Variants in CAPN3 observed in about 807,000 individuals in gnomAD.
The protein encoded by CAPN3 is calpain-3.
In CAPN3, 88 loss-of-function variants were observed where a neutral mutation model predicts 114.0. That is an observed-to-expected ratio of 0.77 (90% CI 0.65 to 0.92). The LOEUF (loss-of-function observed/expected upper bound fraction) is 0.92, where lower values mean the gene tolerates loss of function less well. Among genes scored for constraint, CAPN3 ranks in the 40% least tolerant of loss-of-function variants. CAPN3 has a pLI of 0.00. For missense variants in CAPN3, 1,028 were observed against 1,069.0 expected (o/e 0.96, Z 0.53); for synonymous variants, 386 against 382.9 (o/e 1.01, Z -0.09).
At chr15:42,404,215 C>A (rs149317984) in intron 14 of CAPN3, 2 of 457,356 alleles carry the variant, frequency 4.4e-6, no homozygotes, top group Non-Finnish European at 8.8e-6. Flanking sequence ...TTTCTGTAAT[C>A]CCTCTCACTC....
At chr15:42,407,522 G>T (rs186753494) in intron 15 of CAPN3, among the ~76,000 whole-genome samples, 1 of 152,242 alleles carries the variant, frequency 6.6e-6, no homozygotes, top group East Asian at 1.9e-4. Context: ...GTAGAGATGG[G>T]GTTTCACCCA....
intron 3 of CAPN3, 62 bp downstream of exon 3, chr15:42,386,347 G>A (rs867162013): frequency 1.0e-5 from 12 of 1,155,332 alleles, no homozygotes; most frequent in Middle Eastern, 2.0e-4. Context: ...TGGTCTCCTG[G>A]CCTTGACTTC....
In CAPN3 at chr15:42,411,016, GGGCTGCCCTC is replaced by G. The variant is rs1566986093; in HGVS notation, c.2380+17_2380+26del. 7.7e-6 allele frequency: 12 copies of G among 1,564,146 alleles called. No individual in the cohort carries two copies. Among genetic ancestry groups the G allele is most frequent in the Non-Finnish European group, 1.1e-5 (12 of 1,134,348 alleles). ...GGCATGTTCAGTAAGTGGGAGAGGG[GGGCTGCCCTC>G]TGCTCTCTTGCAGGGGCAGTTGTGG... On this transcript the variant is annotated intron_variant, in intron 22 of 23. Transcript: ENST00000397163.
chr15:42,385,803 A>C (rs369403008), intron 2 of CAPN3: 20 of 537,078 alleles, frequency 3.7e-5, no homozygotes, highest in Non-Finnish European at 5.9e-5. Flanking sequence ...GCAAAGGCAC[A>C]GGGCAGGGCA....
chr15:42,380,760 T>A (rs1413555126), intron 1 of CAPN3, among the ~76,000 whole-genome samples: 35 of 133,004 alleles, frequency 2.6e-4, no homozygotes, highest in African/African-American at 6.3e-4. Context: ...TATTTTTTTT[T>A]TTTTTTTTTT....
At chr15:42,378,452 T>G (rs2053149708) in intron 1 of CAPN3, among the ~76,000 whole-genome samples, 1 of 152,208 alleles carries the variant, frequency 6.6e-6, no homozygotes. Flanking sequence ...TAAATTCATC[T>G]TAAAATTTTT....
At chr15:42,369,298 C>G (rs1299127712) in intron 1 of CAPN3, among the ~76,000 whole-genome samples, 3 of 152,038 alleles carry the variant, frequency 2.0e-5, no homozygotes, top group Non-Finnish European at 4.4e-5. Context: ...GGCTGATGCC[C>G]TTTGGGTTGG....
chr15:42,383,153 AC>A (rs1285135945), intron 1 of CAPN3, among the ~76,000 whole-genome samples: 1 of 151,972 alleles, frequency 6.6e-6, no homozygotes, highest in Non-Finnish European at 1.5e-5. Context: ...AGGAGTATAC[AC>A]CCCTGAGTGC....
intron 1 of CAPN3, among the ~76,000 whole-genome samples, chr15:42,377,445 C>G (rs2053119272): frequency 6.6e-6 from 1 of 152,098 alleles, no homozygotes; most frequent in African/African-American, 2.4e-5. Flanking sequence ...TATATAATTG[C>G]TTTTCTTAGC....
intron 8 of CAPN3, among the ~76,000 whole-genome samples, chr15:42,396,392 G>A (rs1436844358): frequency 3.3e-5 from 5 of 151,946 alleles, no homozygotes; most frequent in South Asian, 2.1e-4. Flanking sequence ...ATAGGTGCCC[G>A]CCACCACGCC....
chr15:42,366,828 C>CTT (rs545010219), intron 1 of CAPN3, among the ~76,000 whole-genome samples: 3,411 of 127,386 alleles, frequency 0.027, 139 homozygotes, highest in African/African-American at 0.043. Flanking sequence ...TCTTTTTTTT[C>CTT]TTTTTTTTTT....
chr15:42,397,516 C>T (rs1193070301), intron 9 of CAPN3, among the ~76,000 whole-genome samples: 4 of 152,070 alleles, frequency 2.6e-5, no homozygotes, highest in East Asian at 1.9e-4. Flanking sequence ...TGGCAGCGTG[C>T]GCCTGTAGTC....
rs1476219031 is a variant in CAPN3, at chr15:42,402,881, G to A, written c.1624G>A (p.Glu542Lys). Reference protein sequence around the residue: ...ARSKTYINMREVSQRFRLPPS... With the variant: ...ARSKTYINMRKVSQRFRLPPS... ...GAGCAAAACCTACATCAACATGCGGGAGGTGTCCCAGCGCTTCCGCCTGCC... is the reference window on the plus strand; with the variant it reads ...GAGCAAAACCTACATCAACATGCGGAAGGTGTCCCAGCGCTTCCGCCTGCC... Residue 542 changes from glutamate (E) to lysine (K), a missense_variant, in exon 13 of 24, where the codon GAG becomes AAG. Physicochemically the swap from Glu to Lys is moderately conservative, Grantham distance 56. Transcript: ENST00000397163. The A allele has an allele frequency of 1.2e-6, 2 of 1,614,162 alleles. No homozygotes were observed. The highest frequency in any genetic ancestry group is 1.7e-6 in the Non-Finnish European group (2 of 1,179,996).
At chr15:42,371,437 A>G (rs138525518) in intron 1 of CAPN3, among the ~76,000 whole-genome samples, 17 of 152,292 alleles carry the variant, frequency 1.1e-4, no homozygotes, top group African/African-American at 4.1e-4. Flanking sequence ...GCATTTTCCT[A>G]ATTATAAATA....
chr15:42,405,970 G>A, intron 15 of CAPN3, 27 bp downstream of exon 15: 5 of 1,599,850 alleles, frequency 3.1e-6, no homozygotes, highest in Middle Eastern at 3.3e-4. Context: ...AGAGCATGAA[G>A]TGTGTGTACT....
intron 14 of CAPN3, among the ~76,000 whole-genome samples, chr15:42,405,135 C>T (rs1029078472): frequency 6.6e-6 from 1 of 152,322 alleles, no homozygotes; most frequent in Middle Eastern, 3.4e-3. Flanking sequence ...GCAGGGATTA[C>T]AGGCCCAGGG....
rs1417050293 is a variant in CAPN3 at position 42,392,707 on chromosome 15, C to A, written c.1014C>A (p.Val338=). The change falls in exon 7 of 24, where the codon GTC becomes GTA. Residue 338 remains valine (V), a synonymous_variant. Coordinates refer to ENST00000397163, the MANE Select transcript of CAPN3 (RefSeq NM_000070.3). Reference sequence around the variant, plus strand: ...TGGTCAGAGGTCACGCCTACTCTGTCACGGGGCTGGATGAGGTAAGCCTGG... The same window carrying A: ...TGGTCAGAGGTCACGCCTACTCTGTAACGGGGCTGGATGAGGTAAGCCTGG... ...CGLVRGHAYS[V]TGLDEVPFKG... The A allele has an allele frequency of 6.2e-7, 1 of 1,613,756 alleles. No homozygotes were observed. Among genetic ancestry groups the A allele is most frequent in the Non-Finnish European group, 8.5e-7 (1 of 1,179,828 alleles).
chr15:42,402,279 G>T, intron 12 of CAPN3, 144 bp downstream of exon 12: 1 of 1,593,414 alleles, frequency 6.3e-7, no homozygotes, highest in East Asian at 2.2e-5. Context: ...TATTTCCACT[G>T]CAGAGCAGGT....
Position 42,401,642 on chromosome 15 carries a change from T to C in CAPN3, c.1356T>C (p.Asp452=). 6.2e-7 allele frequency: 1 copy of C among 1,614,152 alleles called. No individual in the cohort carries two copies. Among genetic ancestry groups the C allele is most frequent in the Non-Finnish European group, 8.5e-7 (1 of 1,180,008 alleles). Residue 452 remains aspartate (D), a splice_region_variant and synonymous_variant, in exon 11 of 24, where the codon GAT becomes GAC. Transcript: ENST00000397163. ...CGTGCTTCCTTTCTGGGGGTGCAGA[T>C]ACTTTCTGGACCAACCCTCAGTACC... The part of the protein sequence containing the change: ...CSAGGCRNFP[D]TFWTNPQYRL...
Sources: gnomAD v4.1 joint callset for allele counts (sites outside exome capture counted in the v4.1 genomes callset) on GRCh38, gnomAD v4.1.1 for gene constraint, MANE v1.5 for transcripts, NCBI Gene and HGNC (gene_info 2026-07-23, HGNC 2026-07-21) for gene names.